Variants in SLIT3 observed in about 807,000 individuals in gnomAD.
SLIT3 encodes the protein slit guidance ligand 3, also known as slit homolog 3 protein.
SLIT3 carries 68 observed loss-of-function variants against 184.0 expected under a neutral mutation model. The observed-to-expected ratio is 0.37, with a 90% confidence interval of 0.30 to 0.45. The LOEUF (loss-of-function observed/expected upper bound fraction) is 0.45. SLIT3 is among the 20% of genes least tolerant of loss of function. The probability of loss-of-function intolerance (pLI) is 1.00; values close to 1 mark genes in which losing one functional copy is unlikely to be tolerated. For missense variants in SLIT3, 1,707 were observed against 2,026.0 expected (o/e 0.84, Z 3.02); for synonymous variants, 831 against 828.6 (o/e 1.00, Z -0.05).
At position 169,107,464 on chromosome 5, in the gene SLIT3, T is replaced by C. The variant is rs148447929; in HGVS notation, c.413+86015A>G. On this transcript the variant is annotated intron_variant, in intron 4 of 35. Coordinates refer to ENST00000519560, the MANE Select transcript of SLIT3 (RefSeq NM_003062.4). ...TGTGGGTTTGACATTCCTGAAGGCT[T>C]GAAAAAAATTATTATTCTAAGCTTT... Among the ~76,000 whole-genome samples the C allele has an allele frequency of 5.3e-3, 811 of 152,328 alleles. 5 individuals are homozygous for C. Among genetic ancestry groups the C allele is most frequent in the African/African-American group, 0.018 (768 of 41,584 alleles).
intron 4 of SLIT3, among the ~76,000 whole-genome samples, chr5:168,935,809 T>G (rs958455751): frequency 6.6e-6 from 1 of 152,252 alleles, no homozygotes; most frequent in Non-Finnish European, 1.5e-5. Context: ...ATCCCATCAC[T>G]GTGCTCACAG....
At chr5:168,874,522 G>A (rs1759660523) in intron 5 of SLIT3, among the ~76,000 whole-genome samples, 1 of 152,240 alleles carries the variant, frequency 6.6e-6, no homozygotes, top group African/African-American at 2.4e-5. Flanking sequence ...GGCTATAGGA[G>A]GAGGAGGACA....
At chr5:168,937,667 G>A (rs1234237018) in intron 4 of SLIT3, among the ~76,000 whole-genome samples, 1 of 152,126 alleles carries the variant, frequency 6.6e-6, no homozygotes, top group African/African-American at 2.4e-5. Context: ...GGGGATCACA[G>A]ACCTGGGTGA....
chr5:168,933,146 T>C (rs933243307), intron 4 of SLIT3, among the ~76,000 whole-genome samples: 1 of 151,924 alleles, frequency 6.6e-6, no homozygotes, highest in Non-Finnish European at 1.5e-5. Context: ...AATAAGGAAA[T>C]GGGGCTGAGG....
chr5:168,957,872 G>A (rs1293656764), intron 4 of SLIT3, among the ~76,000 whole-genome samples: 2 of 152,130 alleles, frequency 1.3e-5, no homozygotes. Flanking sequence ...TCTGAGTCCC[G>A]AGTCGTTCAA....
intron 15 of SLIT3, among the ~76,000 whole-genome samples, chr5:168,761,942 A>T (rs764694030): frequency 2.5e-4 from 26 of 102,980 alleles, no homozygotes; most frequent in Non-Finnish European, 4.6e-4. Context: ...TTTTTTGTAG[A>T]GACTGGGGTA....
rs76238523 is a variant in SLIT3 at position 168,917,323 on chromosome 5, C to T, written c.414-33987G>A. On this transcript the variant is annotated intron_variant, in intron 4 of 35. Coordinates refer to ENST00000519560, the MANE Select transcript of SLIT3 (RefSeq NM_003062.4). ...ACTTACGAGTTGGATTTTAACGGCTCTGAACCCTTCCTGCTCTGCTGTGGT... is the reference window on the plus strand; with the variant it reads ...ACTTACGAGTTGGATTTTAACGGCTTTGAACCCTTCCTGCTCTGCTGTGGT... 2.9e-3 allele frequency among the ~76,000 whole-genome samples: 447 copies of T among 152,306 alleles called. 1 individual carries two copies. Among genetic ancestry groups the T allele is most frequent in the African/African-American group, 9.9e-3 (412 of 41,554 alleles).
chr5:169,088,138 A>G (rs1421291467), intron 4 of SLIT3, among the ~76,000 whole-genome samples: 1 of 152,186 alleles, frequency 6.6e-6, no homozygotes, highest in African/African-American at 2.4e-5. Context: ...CAGATTCTCT[A>G]AAGTAGGAAA....
chr5:169,016,661 T>A (rs1476195284), intron 4 of SLIT3, among the ~76,000 whole-genome samples: 2 of 152,122 alleles, frequency 1.3e-5, no homozygotes, highest in African/African-American at 4.8e-5. Flanking sequence ...CACAATAACA[T>A]ACAGATCAAC....
At chr5:168,978,569 GA>G (rs1043018875) in intron 4 of SLIT3, among the ~76,000 whole-genome samples, 1 of 152,154 alleles carries the variant, frequency 6.6e-6, no homozygotes, top group African/African-American at 2.4e-5. Context: ...CAATGCCTGA[GA>G]AATGAGTTCT....
intron 4 of SLIT3, among the ~76,000 whole-genome samples, chr5:169,159,516 CTG>C (rs879818859): frequency 0.046 from 7,041 of 152,174 alleles, 217 homozygotes; most frequent in East Asian, 0.096. Flanking sequence ...TAGCTCACGC[CTG>C]TAATCCCAGC....
chr5:169,046,296 T>C (rs1450864939), intron 4 of SLIT3, among the ~76,000 whole-genome samples: 1 of 152,096 alleles, frequency 6.6e-6, no homozygotes, highest in African/African-American at 2.4e-5. Context: ...AAGGCATGCA[T>C]AGAAAAGCAA....
At chr5:169,131,184 A>C (rs545510285) in intron 4 of SLIT3, among the ~76,000 whole-genome samples, 3 of 152,348 alleles carry the variant, frequency 2.0e-5, no homozygotes, top group Admixed American at 2.0e-4. Context: ...CTGTTAACGA[A>C]CACACAACAA....
intron 4 of SLIT3, among the ~76,000 whole-genome samples, chr5:168,948,438 A>C (rs894141485): frequency 6.6e-6 from 1 of 152,122 alleles, no homozygotes; most frequent in African/African-American, 2.4e-5. Context: ...GGGGCTGCAG[A>C]TGGATGTGAG....
intron 4 of SLIT3, among the ~76,000 whole-genome samples, chr5:168,902,274 A>G (rs1210158805): frequency 1.3e-5 from 2 of 152,214 alleles, no homozygotes; most frequent in Non-Finnish European, 2.9e-5. Context: ...TATGCCAGGC[A>G]CAGTGTCAGG....
At chr5:168,990,150 ACATCAGGGTC>A in intron 4 of SLIT3, among the ~76,000 whole-genome samples, 1 of 152,282 alleles carries the variant, frequency 6.6e-6, no homozygotes, top group African/African-American at 2.4e-5. Flanking sequence ...CAAGATTTCT[ACATCAGGGTC>A]CATCAGGATG....
chr5:169,160,581 TAATC>T (rs1762445231), intron 4 of SLIT3, among the ~76,000 whole-genome samples: 1 of 152,172 alleles, frequency 6.6e-6, no homozygotes, highest in Non-Finnish European at 1.5e-5. Flanking sequence ...ATTAAGCAAT[TAATC>T]AATCAGTCCC....
intron 24 of SLIT3, among the ~76,000 whole-genome samples, chr5:168,711,864 G>A (rs934528588): frequency 9.2e-5 from 14 of 152,166 alleles, no homozygotes; most frequent in African/African-American, 3.1e-4. Context: ...GTTGCAGAGT[G>A]CAAAGTGGTT....
intron 4 of SLIT3, among the ~76,000 whole-genome samples, chr5:169,062,923 A>G (rs1758226680): frequency 6.6e-6 from 1 of 152,238 alleles, no homozygotes; most frequent in Non-Finnish European, 1.5e-5. Flanking sequence ...AGCACCAGCA[A>G]GAGGCTGTGT....
Sources: gnomAD v4.1 joint callset for allele counts (sites outside exome capture counted in the v4.1 genomes callset) on GRCh38, gnomAD v4.1.1 for gene constraint, MANE v1.5 for transcripts, NCBI Gene and HGNC (gene_info 2026-07-23, HGNC 2026-07-21) for gene names.